Variants in MAGI2 observed in about 807,000 individuals in gnomAD.
MAGI2 encodes membrane-associated guanylate kinase, WW and PDZ domain-containing protein 2.
In MAGI2, 35 loss-of-function variants were observed where a neutral mutation model predicts 133.3. The observed-to-expected ratio is 0.26, with a 90% CI of 0.20 to 0.35. The LOEUF (loss-of-function observed/expected upper bound fraction) is 0.35, where lower values mean the gene tolerates loss of function less well. MAGI2 is among the 10% of genes least tolerant of loss of function. The pLI is 1.00. For synonymous variants in MAGI2, 729 were observed against 710.6 expected (o/e 1.03, Z -0.41); for missense variants, 1,636 against 1,863.4 (o/e 0.88, Z 2.25).
intron 6 of MAGI2, among the ~76,000 whole-genome samples, chr7:78,381,810 T>A (rs538482149): frequency 6.6e-6 from 1 of 152,246 alleles, no homozygotes; most frequent in East Asian, 1.9e-4. Context: ...TTAGACAAGG[T>A]TGTGGGGAAA....
At chr7:79,312,356 T>C (rs1015343732) in intron 1 of MAGI2, among the ~76,000 whole-genome samples, 12 of 152,164 alleles carry the variant, frequency 7.9e-5, no homozygotes, top group Admixed American at 2.0e-4. Flanking sequence ...CTGGCCTCCA[T>C]GCTATTCCAG....
At position 79,453,589 on chromosome 7, in the gene MAGI2, G is replaced by C. The variant is rs1849449622; in HGVS notation, c.-269C>G. 8.7e-7 allele frequency: 1 copy of C among 1,155,516 alleles called. No individual in the cohort carries two copies. 71.6% of individuals were successfully genotyped at this position (1,155,516 alleles called of 1,614,324 possible). A position where few individuals can be genotyped will look rare whatever the true frequency, so the allele number is the denominator to read the frequency against. ...CACTCAAGGCTGTGGCCCCGCAGCA[G>C]AGGAAGCAGTGGTGGTGGCGTCGGC... On this transcript the variant is annotated 5_prime_UTR_variant, in exon 1 of 22. Transcript: ENST00000354212.
At chr7:78,669,976 GC>G (rs1814153243) in intron 2 of MAGI2, among the ~76,000 whole-genome samples, 1 of 151,568 alleles carries the variant, frequency 6.6e-6, no homozygotes, top group Non-Finnish European at 1.5e-5. Context: ...TACTGAATGG[GC>G]AAAAACTGGA....
At chr7:78,545,491 T>A (rs1798759649) in intron 3 of MAGI2, among the ~76,000 whole-genome samples, 2 of 152,080 alleles carry the variant, frequency 1.3e-5, no homozygotes, top group Non-Finnish European at 2.9e-5. Context: ...GGATTACAGG[T>A]GTGAGCCACC....
intron 1 of MAGI2, among the ~76,000 whole-genome samples, chr7:79,173,319 A>G (rs184383897): frequency 0.022 from 3,275 of 150,786 alleles, 136 homozygotes; most frequent in African/African-American, 0.077. Context: ...TTACTATTAT[A>G]ATTGCATTTT....
At chr7:78,990,632 C>T (rs1199947981) in intron 2 of MAGI2, among the ~76,000 whole-genome samples, 1 of 151,880 alleles carries the variant, frequency 6.6e-6, no homozygotes, top group Non-Finnish European at 1.5e-5. Context: ...CTACACTGCT[C>T]ACTATTTTGA....
intron 2 of MAGI2, among the ~76,000 whole-genome samples, chr7:78,742,586 A>C (rs957733111): frequency 1.3e-5 from 2 of 152,206 alleles, no homozygotes; most frequent in African/African-American, 4.8e-5. Context: ...CATCTTTGTT[A>C]AAAGAAGAAT....
At chr7:79,259,231 G>A (rs17237664) in intron 1 of MAGI2, among the ~76,000 whole-genome samples, 18,794 of 152,158 alleles carry the variant, frequency 0.12, 1,453 homozygotes, top group South Asian at 0.22. Flanking sequence ...AGTAAAAATA[G>A]TAGGATAGTA....
At chr7:78,411,728 G>C (rs1797889537) in intron 6 of MAGI2, among the ~76,000 whole-genome samples, 1 of 151,998 alleles carries the variant, frequency 6.6e-6, no homozygotes, top group Admixed American at 6.6e-5. Flanking sequence ...ATAAGTTTAA[G>C]TATCTTTTGG....
At chr7:79,334,175 T>C (rs1840274975) in intron 1 of MAGI2, among the ~76,000 whole-genome samples, 1 of 152,160 alleles carries the variant, frequency 6.6e-6, no homozygotes, top group Non-Finnish European at 1.5e-5. Context: ...TGCCAGTTCT[T>C]ATGTAACGTT....
At chr7:78,798,233 G>A (rs37870) in intron 2 of MAGI2, among the ~76,000 whole-genome samples, 148,018 of 152,228 alleles carry the variant, frequency 0.97, 71,988 homozygotes, top group East Asian at 1. Flanking sequence ...ATGATCATTA[G>A]TTCATCTTAC....
intron 1 of MAGI2, among the ~76,000 whole-genome samples, chr7:79,238,710 T>G (rs1832139107): frequency 6.6e-6 from 1 of 152,190 alleles, no homozygotes; most frequent in Admixed American, 6.5e-5. Flanking sequence ...GGGACTAATT[T>G]GCTTTGGATA....
At chr7:78,095,601 C>T (rs1275215163) in intron 20 of MAGI2, among the ~76,000 whole-genome samples, 1 of 152,168 alleles carries the variant, frequency 6.6e-6, no homozygotes, top group African/African-American at 2.4e-5. Context: ...GAGTAGAGGG[C>T]AAGGATGGTT....
chr7:78,260,614 A>G (rs1793427978), intron 9 of MAGI2, among the ~76,000 whole-genome samples: 1 of 152,182 alleles, frequency 6.6e-6, no homozygotes, highest in Non-Finnish European at 1.5e-5. Context: ...ATATATTTTC[A>G]TTACTACATT....
intron 2 of MAGI2, among the ~76,000 whole-genome samples, chr7:78,826,351 TAAA>T (rs1212068156): frequency 4.2e-5 from 3 of 71,392 alleles, no homozygotes; most frequent in Non-Finnish European, 3.0e-5. Flanking sequence ...AGACTCCGTC[TAAA>T]AAAAAAAAAA....
chr7:78,978,327 T>C (rs941100696), intron 2 of MAGI2, among the ~76,000 whole-genome samples: 3 of 151,808 alleles, frequency 2.0e-5, no homozygotes, highest in Non-Finnish European at 4.4e-5. Flanking sequence ...AATAGAATAT[T>C]ATTTGGTGGT....
intron 13 of MAGI2, among the ~76,000 whole-genome samples, chr7:78,185,336 G>A (rs527551773): frequency 6.6e-6 from 1 of 152,214 alleles, no homozygotes; most frequent in South Asian, 2.1e-4. Context: ...TACACAGCAC[G>A]GACCTAGTCA....
chr7:78,226,577 G>A (rs13231842), intron 10 of MAGI2, among the ~76,000 whole-genome samples: 22,917 of 152,014 alleles, frequency 0.15, 2,315 homozygotes, highest in Middle Eastern at 0.25. Flanking sequence ...TAATTGCCTC[G>A]GCCTACGTGA....
chr7:78,801,522 T>A (rs1226195626), intron 2 of MAGI2, among the ~76,000 whole-genome samples: 1 of 152,146 alleles, frequency 6.6e-6, no homozygotes, highest in East Asian at 1.9e-4. Flanking sequence ...TGTGTCTGTA[T>A]ATGAAAGGAA....
Sources: gnomAD v4.1 joint callset for allele counts (sites outside exome capture counted in the v4.1 genomes callset) on GRCh38, gnomAD v4.1.1 for gene constraint, MANE v1.5 for transcripts, NCBI Gene and HGNC (gene_info 2026-07-23, HGNC 2026-07-21) for gene names.